COLEC12: variants seen among roughly 807,000 people sequenced by gnomAD.
The protein encoded by COLEC12 is collectin-12.
Under a neutral mutation model 71.1 loss-of-function variants are expected in COLEC12, and 33 were observed. The ratio of observed to expected loss-of-function variants is 0.46; its 90% CI spans 0.35 to 0.62. The LOEUF (loss-of-function observed/expected upper bound fraction) is 0.62, where lower values mean the gene tolerates loss of function less well. COLEC12 is among the 20% of genes least tolerant of loss of function. The pLI is 0.00. For synonymous variants in COLEC12, 350 were observed against 353.0 expected (o/e 0.99, Z 0.10); for missense variants, 765 against 916.1 (o/e 0.84, Z 2.13).
chr18:331,110 A>G (rs1421037536), intron 8 of COLEC12, among the ~76,000 whole-genome samples: 1 of 152,008 alleles, frequency 6.6e-6, no homozygotes, highest in Non-Finnish European at 1.5e-5. Flanking sequence ...GCTGGTCTCG[A>G]ACTCCAGACT....
rs1917394413 is a variant in COLEC12, at chr18:480,569, C to T, written c.58+138G>A. 5 of 770,804 alleles carry T rather than the reference C, an allele frequency of 6.5e-6. No individual in the cohort carries two copies. The highest frequency in any genetic ancestry group is 1.2e-5 in the Non-Finnish European group (5 of 433,674). The allele number at this position is 770,804 out of a possible 1,614,324, so 47.7% of individuals were successfully genotyped here. On this transcript the variant is annotated intron_variant, in intron 2 of 9. Coordinates refer to ENST00000400256, the MANE Select transcript of COLEC12 (RefSeq NM_130386.3). This position sits in a 1 kb window ranked among gnomAD's most constrained non-coding sequence, Gnocchi z 4.1. ...CCCTGGGACACAGACACTCACTTTC[C>T]AACCAAAATTGGACCTCAGAGCCAC...
intron 2 of COLEC12, among the ~76,000 whole-genome samples, chr18:375,853 T>G (rs559482194): frequency 3.3e-5 from 5 of 152,330 alleles, no homozygotes; most frequent in Non-Finnish European, 5.9e-5. Flanking sequence ...TTGAGGAGAT[T>G]AAATGAATTA....
At position 341,855 on chromosome 18, in the gene COLEC12, A is replaced by C. The variant is rs567114144; in HGVS notation, c.1327+4440T>G. The stretch of plus-strand genomic sequence containing the variant: ...TCCAGAGCTCTTGTTCTCACTCATT[A>C]AATCTGATGACTCTCGGAAGAGCAG... On this transcript the variant is annotated intron_variant, in intron 5 of 9. Coordinates refer to ENST00000400256, the MANE Select transcript of COLEC12 (RefSeq NM_130386.3). Among the ~76,000 whole-genome samples, 6 of 152,310 alleles carry C rather than the reference A, an allele frequency of 3.9e-5. No homozygotes were observed. The East Asian group carries it at 1.2e-3, about 29-fold the overall frequency.
At chr18:418,970 ACCCCTTT>A (rs1455490634) in intron 2 of COLEC12, among the ~76,000 whole-genome samples, 2 of 152,130 alleles carry the variant, frequency 1.3e-5, no homozygotes, top group Admixed American at 1.3e-4. Context: ...CTGGATCAGG[ACCCCTTT>A]CCTTTAACAC....
rs142888302 is a variant in COLEC12, at chr18:382,682, G to C, written c.59-25160C>G. 5.6e-4 allele frequency among the ~76,000 whole-genome samples: 85 copies of C among 152,282 alleles called. 2 individuals are homozygous for C. In the East Asian group the frequency reaches 0.016, roughly 29 times the overall value. On this transcript the variant is annotated intron_variant, in intron 2 of 9. Coordinates refer to ENST00000400256, the MANE Select transcript of COLEC12 (RefSeq NM_130386.3). ...AGCCACATTATAGGATTATTGTATA[G>C]ATTAAATGAAATTATGCATTTACAG...
chr18:331,327 G>C (rs1263510687), intron 8 of COLEC12, among the ~76,000 whole-genome samples: 1 of 152,246 alleles, frequency 6.6e-6, no homozygotes, highest in East Asian at 1.9e-4. Flanking sequence ...GAACATGCCT[G>C]AGGTTGCCTG....
rs113814041 is a variant in COLEC12, at chr18:480,288, G to C, written c.58+419C>G. Among the ~76,000 whole-genome samples, 4,532 of 152,298 alleles carry C rather than the reference G, an allele frequency of 0.03. 237 individuals are homozygous for C. Among genetic ancestry groups the C allele is most frequent in the African/African-American group, 0.1 (4,329 of 41,546 alleles). ...GCCCCTGTGTCCAGGCAGATTCTTG[G>C]AAGAAGTCTCCCTCTCACTCATCCA... On this transcript the variant is annotated intron_variant, in intron 2 of 9. Coordinates refer to ENST00000400256, the MANE Select transcript of COLEC12 (RefSeq NM_130386.3). This position sits in a 1 kb window ranked among gnomAD's most constrained non-coding sequence, Gnocchi z 4.1.
At chr18:447,494 C>T (rs888452791) in intron 2 of COLEC12, among the ~76,000 whole-genome samples, 1 of 152,198 alleles carries the variant, frequency 6.6e-6, no homozygotes, top group African/African-American at 2.4e-5. Context: ...CCCAGTCGGG[C>T]TTTGCAAATA....
intron 1 of COLEC12, among the ~76,000 whole-genome samples, chr18:497,554 G>A (rs748339259): frequency 2.1e-4 from 32 of 152,080 alleles, no homozygotes; most frequent in Admixed American, 6.6e-4. Flanking sequence ...ACAGGCATGC[G>A]CCACCAGGCC....
intron 2 of COLEC12, among the ~76,000 whole-genome samples, chr18:472,699 A>AG (rs1917224833): frequency 7.5e-6 from 1 of 132,832 alleles, no homozygotes; most frequent in African/African-American, 2.7e-5. Flanking sequence ...AAAAAAAAAA[A>AG]AAAAGAAGAA....
At chr18:383,036 C>T (rs1277836569) in intron 2 of COLEC12, among the ~76,000 whole-genome samples, 2 of 152,098 alleles carry the variant, frequency 1.3e-5, no homozygotes, top group African/African-American at 4.8e-5. Flanking sequence ...TCCATGCTGT[C>T]CATTTTACAA....
At chr18:428,319 C>T (rs144716896) in intron 2 of COLEC12, among the ~76,000 whole-genome samples, 1 of 151,996 alleles carries the variant, frequency 6.6e-6, no homozygotes, top group East Asian at 1.9e-4. Context: ...TTACCACAGG[C>T]CTTGCCTTGT....
intron 8 of COLEC12, among the ~76,000 whole-genome samples, 163 bp downstream of exon 8, chr18:331,505 C>T (rs979569457): frequency 2.0e-5 from 3 of 152,176 alleles, no homozygotes; most frequent in African/African-American, 7.2e-5. Flanking sequence ...CTGTCAACCA[C>T]GATTTCCCCA....
At chr18:455,559 A>G (rs1486257854) in intron 2 of COLEC12, among the ~76,000 whole-genome samples, 2 of 152,134 alleles carry the variant, frequency 1.3e-5, no homozygotes, top group Non-Finnish European at 2.9e-5. Context: ...TACATGTGCC[A>G]TGGTGGTTTG....
intron 2 of COLEC12, among the ~76,000 whole-genome samples, chr18:395,019 T>C (rs926242112): frequency 6.6e-6 from 1 of 152,182 alleles, no homozygotes; most frequent in African/African-American, 2.4e-5. Context: ...GTGATAGGAA[T>C]TAGAGGTTGC....
rs767966653 is a variant in COLEC12, at chr18:347,254, C to T, written c.368G>A (p.Arg123His). The T allele has an allele frequency of 5.6e-6, 9 of 1,614,118 alleles. No individual in the cohort carries two copies. The highest frequency in any genetic ancestry group is 1.7e-5 in the Admixed American group (1 of 60,016). ...SDILDLRQQL[R>H]EITEKTSKNK... ...CTTGCTGGTTTTTTCTGTAATCTCACGAAGTTGCTGACGGAGATCTAGAAT... is the reference window on the plus strand; with the variant it reads ...CTTGCTGGTTTTTTCTGTAATCTCATGAAGTTGCTGACGGAGATCTAGAAT... Residue 123 changes from arginine to histidine, a missense_variant, in exon 5 of 10, where the codon CGT (arginine) becomes CAT (histidine). Coordinates refer to ENST00000400256, the MANE Select transcript of COLEC12 (RefSeq NM_130386.3).
At chr18:439,780 A>G (rs1916478119) in intron 2 of COLEC12, among the ~76,000 whole-genome samples, 1 of 152,160 alleles carries the variant, frequency 6.6e-6, no homozygotes, top group African/African-American at 2.4e-5. Context: ...AAATAATATG[A>G]AGCATCTGCA....
At position 319,512 on chromosome 18, in the gene COLEC12, CAA is replaced by C. The variant is rs11336256; in HGVS notation, c.*531_*532del. 7.9e-3 allele frequency: 704 copies of C among 88,710 alleles called. 7 individuals carry two copies. Among genetic ancestry groups the C allele is most frequent in the South Asian group, 0.054 (161 of 3,004 alleles). 5.5% of individuals were successfully genotyped at this position (88,710 alleles called of 1,614,324 possible). A position where few individuals can be genotyped will look rare whatever the true frequency, so the allele number is the denominator to read the frequency against. The stretch of plus-strand genomic sequence containing the variant: ...TCCATGTATTATGTCGGTAAAATGA[CAA>C]AAAAAAAAAAAGGAAAAAAATTGTA... On this transcript the variant is annotated 3_prime_UTR_variant, in exon 10 of 10. Coordinates refer to ENST00000400256, the MANE Select transcript of COLEC12 (RefSeq NM_130386.3).
At chr18:460,709 C>T (rs1378497948) in intron 2 of COLEC12, among the ~76,000 whole-genome samples, 1 of 152,188 alleles carries the variant, frequency 6.6e-6, no homozygotes, top group Non-Finnish European at 1.5e-5. Flanking sequence ...CACACATTAG[C>T]TGAAGGATGA....
Sources: allele counts gnomAD v4.1 joint callset (sites outside exome capture counted in the v4.1 genomes callset), GRCh38; gene constraint gnomAD v4.1.1; non-coding constraint Gnocchi (gnomAD v3.1); transcripts MANE v1.5; gene names NCBI Gene and HGNC (gene_info 2026-07-23, HGNC 2026-07-21).